B4GALT1: variants seen among roughly 807,000 people sequenced by gnomAD.
B4GALT1 encodes the protein N-acetyllactosamine synthase.
Under a neutral mutation model 34.9 loss-of-function variants are expected in B4GALT1, and 16 were observed. The ratio of observed to expected loss-of-function variants is 0.46; its 90% CI spans 0.31 to 0.70. The LOEUF (loss-of-function observed/expected upper bound fraction) is 0.70. Ranked by LOEUF, B4GALT1 falls within the 30% of genes least tolerant of loss-of-function variation. The pLI is 0.05. For synonymous variants in B4GALT1, 221 were observed against 218.1 expected (o/e 1.01, Z -0.12); for missense variants, 445 against 530.5 (o/e 0.84, Z 1.58).
intron 1 of B4GALT1, among the ~76,000 whole-genome samples, chr9:33,143,818 T>C (rs1047368256): frequency 1.3e-5 from 2 of 152,248 alleles, no homozygotes; most frequent in Admixed American, 1.3e-4. Context: ...GTAACATGTT[T>C]TGCTTTCAGC....
At chr9:33,125,180 G>A (rs999627738) in intron 2 of B4GALT1, among the ~76,000 whole-genome samples, 3 of 152,176 alleles carry the variant, frequency 2.0e-5, no homozygotes, top group East Asian at 1.9e-4. Flanking sequence ...AGACAGAATC[G>A]ACCAGACATA....
In B4GALT1 at chr9:33,116,291, G is replaced by C. The variant is rs1441330873; in HGVS notation, c.837-178C>G. Among the ~76,000 whole-genome samples the C allele has an allele frequency of 1.1e-4, 16 of 152,132 alleles. 1 individual carries two copies. Among genetic ancestry groups the C allele is most frequent in the Admixed American group, 3.9e-4 (6 of 15,266 alleles). ...TCTGTTGCCAGGCTGGAGTGCAGGG[G>C]CGCGATCTAGGCTCACTGCAACTTC... On this transcript the variant is annotated intron_variant, in intron 3 of 5. Transcript: ENST00000379731.
At chr9:33,136,156 C>T (rs1201123138) in intron 1 of B4GALT1, among the ~76,000 whole-genome samples, 1 of 151,992 alleles carries the variant, frequency 6.6e-6, no homozygotes, top group Admixed American at 6.6e-5. Flanking sequence ...GATAAAGTAA[C>T]AAAGAGGAAG....
At chr9:33,109,445 C>G (rs1839829941), downstream of B4GALT1, among the ~76,000 whole-genome samples, 1 of 152,164 alleles carries the variant, frequency 6.6e-6, no homozygotes. Context: ...GTAAGCTGAC[C>G]TAGCAAATTA....
At chr9:33,109,838 A>T (rs961211929), downstream of B4GALT1, among the ~76,000 whole-genome samples, 1 of 152,252 alleles carries the variant, frequency 6.6e-6, no homozygotes, top group Admixed American at 6.5e-5. Context: ...AGAAATCCCT[A>T]CATATCTAGG....
intron 1 of B4GALT1, among the ~76,000 whole-genome samples, chr9:33,163,099 CGA>C (rs1391617508): frequency 6.6e-6 from 1 of 152,082 alleles, no homozygotes; most frequent in Admixed American, 6.6e-5. Context: ...CCCAAAAGGG[CGA>C]GAGAGAGTCC....
chr9:33,167,748 G>T (rs1425071985), upstream of B4GALT1, among the ~76,000 whole-genome samples: 4 of 152,260 alleles, frequency 2.6e-5, no homozygotes, highest in Admixed American at 6.5e-5. Context: ...GTTATCTGGA[G>T]TGGTTTGGGG....
chr9:33,112,288 G>C lies in B4GALT1; in HGVS notation c.*1166C>G, dbSNP rs924251328. 6.6e-6 allele frequency: 1 copy of C among 152,312 alleles called. No homozygotes were observed. Among genetic ancestry groups the C allele is most frequent in the East Asian group, 1.9e-4 (1 of 5,190 alleles). 9.4% of individuals were successfully genotyped at this position (152,312 alleles called of 1,614,324 possible). The stretch of plus-strand genomic sequence containing the variant: ...AACCCCCCAGCCTAGGGGCCTGAGG[G>C]GTCAGTCTAAGGAGGCTGAGGCTCC... On this transcript the variant is annotated 3_prime_UTR_variant, in exon 6 of 6. Coordinates refer to ENST00000379731, the MANE Select transcript of B4GALT1 (RefSeq NM_001497.4).
intron 1 of B4GALT1, 135 bp downstream of exon 1, chr9:33,166,623 G>T: frequency 1.8e-6 from 2 of 1,112,306 alleles, no homozygotes; most frequent in East Asian, 2.8e-5. Flanking sequence ...CCTCTGTCTG[G>T]GATTTAAAAC....
intron 1 of B4GALT1, among the ~76,000 whole-genome samples, chr9:33,152,370 A>ATC (rs1554688121): frequency 1.5e-5 from 1 of 67,622 alleles, no homozygotes; most frequent in Non-Finnish European, 2.9e-5. Flanking sequence ...ATAACATAAC[A>ATC]ACTTCTACAT....
the B4GALT1 span, chr9:33,174,143 T>C: frequency 6.5e-6 from 1 of 152,848 alleles, no homozygotes; most frequent in Admixed American, 6.5e-5. Flanking sequence ...CTCATCACAA[T>C]TGAAGGAAAA....
chr9:33,142,634 A>G (rs946894551), intron 1 of B4GALT1, among the ~76,000 whole-genome samples: 1 of 151,902 alleles, frequency 6.6e-6, no homozygotes, highest in African/African-American at 2.4e-5. Context: ...CTTTTTTTTA[A>G]GAGACAGTTT....
rs896680170 is a variant in B4GALT1, at chr9:33,167,286, C to A, written c.-117G>T. 1.3e-5 allele frequency: 17 copies of A among 1,317,648 alleles called. No individual in the cohort carries two copies. The highest frequency in any genetic ancestry group is 3.1e-5 in the African/African-American group (2 of 63,690). 81.6% of individuals were successfully genotyped at this position (1,317,648 alleles called of 1,614,324 possible). On this transcript the variant is annotated 5_prime_UTR_variant, in exon 1 of 6. Coordinates refer to ENST00000379731, the MANE Select transcript of B4GALT1 (RefSeq NM_001497.4). ...ACTAGGGGAGGGCCCGGAGCGGGGG[C>A]GGGCGAGCGGCTGAGAGCTGAGACT...
At chr9:33,148,303 T>G (rs1419183267) in intron 1 of B4GALT1, among the ~76,000 whole-genome samples, 1 of 152,194 alleles carries the variant, frequency 6.6e-6, no homozygotes, top group East Asian at 1.9e-4. Context: ...AGAGTTATCC[T>G]AGCACATCTA....
chr9:33,177,889 T>C, the B4GALT1 span, among the ~76,000 whole-genome samples: 1 of 151,666 alleles, frequency 6.6e-6, no homozygotes, highest in Non-Finnish European at 1.5e-5. Context: ...CTTCTCCTCC[T>C]CCAGGTGGGC....
chr9:33,135,909 GTA>G (rs541961676), intron 1 of B4GALT1, among the ~76,000 whole-genome samples: 22,293 of 126,884 alleles, frequency 0.18, 1,743 homozygotes, highest in East Asian at 0.22. Flanking sequence ...GTGTGTGTGT[GTA>G]TGTGTGTGTG....
chr9:33,175,334 AAG>A, the B4GALT1 span, among the ~76,000 whole-genome samples: 1 of 152,036 alleles, frequency 6.6e-6, no homozygotes, highest in Non-Finnish European at 1.5e-5. Context: ...AATTAAAAAA[AAG>A]AATATTATTG....
rs890195624 is a variant in B4GALT1 at position 33,129,382 on chromosome 9, C to T, written c.648+5807G>A. Among the ~76,000 whole-genome samples the T allele has an allele frequency of 5.3e-5, 8 of 152,208 alleles. No homozygotes were observed. The South Asian group carries it at 6.2e-4, about 12-fold the overall frequency. ...GCTCTGGTCAGCATTGAGCTGGAAG[C>T]TTCGGGGAGAGGCCCAAGGGAGGGA... On this transcript the variant is annotated intron_variant, in intron 2 of 5. Transcript: ENST00000379731.
intron 1 of B4GALT1, among the ~76,000 whole-genome samples, chr9:33,160,882 T>C (rs766462624): frequency 6.6e-6 from 1 of 152,194 alleles, no homozygotes; most frequent in Non-Finnish European, 1.5e-5. Context: ...TATATCTCTT[T>C]CAACTTTTCA....
Sources: allele counts gnomAD v4.1 joint callset (sites outside exome capture counted in the v4.1 genomes callset), GRCh38; gene constraint gnomAD v4.1.1; transcripts MANE v1.5; gene names NCBI Gene and HGNC (gene_info 2026-07-23, HGNC 2026-07-21).